The following CSMD1 variants were observed in gnomAD, a reference collection of about 807,000 sequenced individuals.
CSMD1 encodes CUB and Sushi multiple domains 1.
Under a neutral mutation model 417.5 loss-of-function variants are expected in CSMD1, and 213 were observed. That is an observed-to-expected ratio of 0.51 (90% CI 0.46 to 0.57). CSMD1 has a LOEUF of 0.57. CSMD1 is among the 20% of genes least tolerant of loss of function. The probability of loss-of-function intolerance (pLI) is 0.00; values close to 1 mark genes in which losing one functional copy is unlikely to be tolerated. For missense variants in CSMD1, 6,923 were observed against 4,529.7 expected, an observed-to-expected ratio of 1.53 and a Z score of -15.17; for synonymous variants, 2,862 against 1,736.8, an observed-to-expected ratio of 1.65 and a Z score of -16.11.
At chr8:3,707,549 G>C (rs1475987980) in intron 7 of CSMD1, among the ~76,000 whole-genome samples, 2 of 152,152 alleles carry the variant, frequency 1.3e-5, no homozygotes, top group Non-Finnish European at 2.9e-5. Context: ...TGGTATCTCA[G>C]TAGACGGTAC....
chr8:3,601,372 G>A (rs1801353530), intron 8 of CSMD1, among the ~76,000 whole-genome samples: 1 of 152,182 alleles, frequency 6.6e-6, no homozygotes, highest in South Asian at 2.1e-4. Flanking sequence ...GTTTTCCAAC[G>A]ATGAGGTTTC....
intron 2 of CSMD1, among the ~76,000 whole-genome samples, chr8:4,611,262 A>C (rs1292298404): frequency 1.3e-5 from 2 of 152,152 alleles, no homozygotes; most frequent in Non-Finnish European, 2.9e-5. Context: ...TCTTCACTTA[A>C]TCCTGTGTTG....
At chr8:3,247,701 C>T (rs970602496) in intron 26 of CSMD1, among the ~76,000 whole-genome samples, 7 of 152,202 alleles carry the variant, frequency 4.6e-5, no homozygotes, top group African/African-American at 1.7e-4. Context: ...TAAACCACAT[C>T]TCCCAACAGT....
rs189366216 is a variant in CSMD1, at chr8:4,203,607, G to A, written c.416-171508C>T. ...GACTTAGAATCAAAGAGCAGCTGTG[G>A]CACTCAAAATATGTATGGCTGGGGG... On this transcript the variant is annotated intron_variant, in intron 3 of 69. Transcript: ENST00000635120. 9.9e-5 allele frequency among the ~76,000 whole-genome samples: 15 copies of A among 152,228 alleles called. No homozygotes were observed. In the East Asian group the frequency reaches 2.9e-3, roughly 29 times the overall value.
intron 23 of CSMD1, among the ~76,000 whole-genome samples, chr8:3,333,945 T>C (rs1024771358): frequency 2.0e-5 from 3 of 152,202 alleles, no homozygotes; most frequent in Admixed American, 2.0e-4. Flanking sequence ...AAAATGTGCA[T>C]TTGAGGACTG....
intron 3 of CSMD1, among the ~76,000 whole-genome samples, chr8:4,053,174 C>A (rs1798521256): frequency 1.3e-5 from 2 of 152,134 alleles, no homozygotes; most frequent in Admixed American, 1.3e-4. Flanking sequence ...ACTACAGGTG[C>A]AAATTTGAAG....
At chr8:4,910,057 A>T (rs62488167) in intron 1 of CSMD1, among the ~76,000 whole-genome samples, 10,206 of 152,262 alleles carry the variant, frequency 0.067, 426 homozygotes, top group African/African-American at 0.078. Context: ...CTTAACTCCC[A>T]CTTTCTGTAA....
At chr8:4,285,230 G>T (rs1268722874) in intron 3 of CSMD1, among the ~76,000 whole-genome samples, 1 of 152,106 alleles carries the variant, frequency 6.6e-6, no homozygotes. Context: ...TATACAATCC[G>T]GTTTCATCAT....
At chr8:4,017,798 T>C (rs1036275203) in intron 4 of CSMD1, among the ~76,000 whole-genome samples, 1 of 152,158 alleles carries the variant, frequency 6.6e-6, no homozygotes, top group Non-Finnish European at 1.5e-5. Context: ...AATCTGCATT[T>C]GGAAAAGATA....
chr8:4,507,063 T>C (rs969660900), intron 2 of CSMD1, among the ~76,000 whole-genome samples: 4 of 152,162 alleles, frequency 2.6e-5, no homozygotes, highest in Non-Finnish European at 2.9e-5. Flanking sequence ...TAAACACATA[T>C]TTAGTAATGC....
intron 6 of CSMD1, among the ~76,000 whole-genome samples, chr8:3,732,868 GATCT>G (rs1198931386): frequency 2.0e-5 from 3 of 152,112 alleles, no homozygotes; most frequent in South Asian, 2.1e-4. Flanking sequence ...TTTTAAAAGA[GATCT>G]ATCTATCTAT....
At chr8:4,917,391 T>G (rs1339651104) in intron 1 of CSMD1, among the ~76,000 whole-genome samples, 1 of 152,152 alleles carries the variant, frequency 6.6e-6, no homozygotes, top group African/African-American at 2.4e-5. Flanking sequence ...CCCCAGCACT[T>G]TGGGAGGCCA....
intron 2 of CSMD1, among the ~76,000 whole-genome samples, chr8:4,552,295 T>A (rs552981145): frequency 1.3e-5 from 2 of 152,238 alleles, no homozygotes; most frequent in East Asian, 3.9e-4. Context: ...AATCCTTCCC[T>A]GAAACGTTAT....
At chr8:3,007,786 G>T (rs1405279252) in intron 52 of CSMD1, among the ~76,000 whole-genome samples, 1 of 118,474 alleles carries the variant, frequency 8.4e-6, no homozygotes, top group East Asian at 3.1e-4. Context: ...TGGGGGGAGG[G>T]GGGAGGGATA....
At chr8:4,871,897 T>C (rs1197410052) in intron 1 of CSMD1, among the ~76,000 whole-genome samples, 1 of 152,230 alleles carries the variant, frequency 6.6e-6, no homozygotes. Flanking sequence ...CTGTCTTTCC[T>C]TGCAATTCTG....
At chr8:4,755,503 A>C (rs751239761) in intron 1 of CSMD1, among the ~76,000 whole-genome samples, 1 of 152,138 alleles carries the variant, frequency 6.6e-6, no homozygotes, top group Non-Finnish European at 1.5e-5. Flanking sequence ...TAACGTTAAA[A>C]TTGATGTTTC....
intron 5 of CSMD1, among the ~76,000 whole-genome samples, chr8:3,760,661 T>G (rs1021873924): frequency 1.1e-4 from 16 of 152,226 alleles, no homozygotes. Context: ...GGGATAATTT[T>G]CTAAAATGCA....
At chr8:4,574,225 T>C (rs1799028264) in intron 2 of CSMD1, among the ~76,000 whole-genome samples, 1 of 152,168 alleles carries the variant, frequency 6.6e-6, no homozygotes, top group Non-Finnish European at 1.5e-5. Context: ...GCCGAGTTTT[T>C]TCCTTGAAAC....
intron 68 of CSMD1, among the ~76,000 whole-genome samples, chr8:2,943,162 A>C (rs1055999314): frequency 1.3e-5 from 2 of 152,194 alleles, no homozygotes; most frequent in African/African-American, 4.8e-5. Flanking sequence ...CAATGTCACA[A>C]TGCAAGTTTC....
Sources: gnomAD v4.1 joint callset for allele counts (sites outside exome capture counted in the v4.1 genomes callset) on GRCh38, gnomAD v4.1.1 for gene constraint, MANE v1.5 for transcripts, NCBI Gene and HGNC (gene_info 2026-07-23, HGNC 2026-07-21) for gene names.